L3MBTL4: variants seen among roughly 807,000 people sequenced by gnomAD.
L3MBTL4 encodes the protein lethal(3)malignant brain tumor-like protein 4.
L3MBTL4 carries 70 observed loss-of-function variants against 84.5 expected under a neutral mutation model. The observed-to-expected ratio is 0.83, with a 90% CI of 0.68 to 1.01. The LOEUF (loss-of-function observed/expected upper bound fraction) is 1.01. Ranked by LOEUF, L3MBTL4 falls within the 50% of genes least tolerant of loss-of-function variation. The pLI, the probability that L3MBTL4 is intolerant of heterozygous loss-of-function variation, is 0.00. For synonymous variants in L3MBTL4, 274 were observed against 259.8 expected, an observed-to-expected ratio of 1.05 and a Z score of -0.52; for missense variants, 715 against 754.8, an observed-to-expected ratio of 0.95 and a Z score of 0.62.
chr18:6,129,956 C>T (rs890098153), intron 14 of L3MBTL4, among the ~76,000 whole-genome samples: 1 of 152,174 alleles, frequency 6.6e-6, no homozygotes, highest in African/African-American at 2.4e-5. Flanking sequence ...TACTCCATCA[C>T]TCTCTGAAAT....
Position 6,414,509 on chromosome 18 carries a change from C to T in L3MBTL4, c.-91+292G>A, listed in dbSNP as rs2056110970. ...CCCCGACCCTGCCCTCGCGGCTGAC[C>T]GAGGCGCCGGGCTCTGCGGCGGCCG... On this transcript the variant is annotated intron_variant, in intron 1 of 18. Coordinates refer to ENST00000317931, the MANE Select transcript of L3MBTL4 (RefSeq NM_001330559.2). This position sits in a 1 kb window ranked among gnomAD's most constrained non-coding sequence, Gnocchi z 5.4. Among the ~76,000 whole-genome samples, 1 of 152,020 alleles carries T rather than the reference C, an allele frequency of 6.6e-6. No individual in the cohort carries two copies. Among genetic ancestry groups the T allele is most frequent in the Non-Finnish European group, 1.5e-5 (1 of 67,978 alleles).
At chr18:6,293,080 C>A (rs1429427892) in intron 4 of L3MBTL4, among the ~76,000 whole-genome samples, 1 of 152,188 alleles carries the variant, frequency 6.6e-6, no homozygotes, top group Non-Finnish European at 1.5e-5. Context: ...GTGTATACCC[C>A]AACTATAATT....
chr18:6,120,146 C>T (rs541176672), intron 14 of L3MBTL4, among the ~76,000 whole-genome samples: 1 of 152,178 alleles, frequency 6.6e-6, no homozygotes, highest in Non-Finnish European at 1.5e-5. Context: ...ACACTGAGGG[C>T]CTGAAACAGT....
At chr18:5,958,109 G>GAAGAAGAAGAAGAAA (rs2095241088) in intron 18 of L3MBTL4, among the ~76,000 whole-genome samples, 1 of 92,850 alleles carries the variant, frequency 1.1e-5, no homozygotes, top group Non-Finnish European at 2.0e-5. Flanking sequence ...AGAAGAAGAA[G>GAAGAAGAAGAAGAAA]AAGAAGAAGA....
intron 4 of L3MBTL4, among the ~76,000 whole-genome samples, chr18:6,278,738 C>T (rs1434733079): frequency 1.3e-5 from 2 of 152,078 alleles, no homozygotes; most frequent in African/African-American, 4.8e-5. Flanking sequence ...CTGGTCTATT[C>T]AAATGTTCAA....
In L3MBTL4 at chr18:6,139,998, G is replaced by A. The variant is rs544164097; in HGVS notation, c.1097-1702C>T. ...CCCCATGTGCTCACCCTGCCACTCT[G>A]CCACCCCAGCACGTCAGTCACTTCC... is the stretch of plus-strand genomic sequence containing the variant. On this transcript the variant is annotated intron_variant, in intron 13 of 18. Transcript: ENST00000317931. Among the ~76,000 whole-genome samples the A allele has an allele frequency of 2.8e-4, 42 of 152,210 alleles. No individual in the cohort carries two copies. In the South Asian group the frequency reaches 8.1e-3, roughly 29 times the overall value.
intron 16 of L3MBTL4, among the ~76,000 whole-genome samples, chr18:5,984,880 T>C (rs990953214): frequency 6.6e-6 from 1 of 152,122 alleles, no homozygotes; most frequent in African/African-American, 2.4e-5. Flanking sequence ...AGATTATTGG[T>C]CAAAATCATT....
chr18:5,958,633 G>C (rs1480104132), intron 18 of L3MBTL4, among the ~76,000 whole-genome samples: 3 of 152,140 alleles, frequency 2.0e-5, no homozygotes, highest in Admixed American at 6.5e-5. Flanking sequence ...GCTTCTAAGG[G>C]GCAAAGTTGG....
At position 5,956,131 on chromosome 18, in the gene L3MBTL4, A is replaced by T; in HGVS notation, c.*89T>A. On this transcript the variant is annotated 3_prime_UTR_variant, in exon 19 of 19. Coordinates refer to ENST00000317931, the MANE Select transcript of L3MBTL4 (RefSeq NM_001330559.2). ...GTCCAGATTCAGTGTGGATACGGCC[A>T]TGGGGACATTCACATCAAATTAATG... 1 of 1,084,292 alleles carries T rather than the reference A, an allele frequency of 9.2e-7. No homozygotes were observed. Among genetic ancestry groups the T allele is most frequent in the Non-Finnish European group, 1.4e-6 (1 of 729,582 alleles). 67.2% of individuals were successfully genotyped at this position (1,084,292 alleles called of 1,614,324 possible).
At chr18:6,022,341 C>T (rs2055310710) in intron 16 of L3MBTL4, among the ~76,000 whole-genome samples, 1 of 152,176 alleles carries the variant, frequency 6.6e-6, no homozygotes, top group Non-Finnish European at 1.5e-5. Context: ...AAACCTTCAC[C>T]TCCTTTTGCC....
chr18:5,962,305 C>T (rs899926035), intron 17 of L3MBTL4, among the ~76,000 whole-genome samples: 17 of 152,244 alleles, frequency 1.1e-4, no homozygotes, highest in Admixed American at 5.9e-4. Context: ...ATTTCCACCA[C>T]GGCGATTTGG....
chr18:6,010,059 C>T (rs2036773872), intron 16 of L3MBTL4, among the ~76,000 whole-genome samples: 1 of 152,034 alleles, frequency 6.6e-6, no homozygotes, highest in African/African-American at 2.4e-5. Context: ...TGTTTCCCTT[C>T]TGTATCCTTG....
chr18:5,994,626 C>T (rs545685530), intron 16 of L3MBTL4, among the ~76,000 whole-genome samples: 85 of 152,288 alleles, frequency 5.6e-4, no homozygotes, highest in Non-Finnish European at 1.1e-3. Context: ...CTAACGCTGG[C>T]TCCCATGCCA....
intron 1 of L3MBTL4, among the ~76,000 whole-genome samples, chr18:6,410,156 T>C (rs1451471896): frequency 6.6e-6 from 1 of 152,244 alleles, no homozygotes; most frequent in Non-Finnish European, 1.5e-5. Context: ...CCTGCCCTCC[T>C]GTCTCAGGGC....
chr18:6,250,750 T>C (rs2047888876), intron 5 of L3MBTL4, among the ~76,000 whole-genome samples: 1 of 152,166 alleles, frequency 6.6e-6, no homozygotes, highest in Admixed American at 6.5e-5. Flanking sequence ...CTTCACACGA[T>C]AGCTCTCAAA....
chr18:6,201,024 A>C (rs1340311286), intron 12 of L3MBTL4, among the ~76,000 whole-genome samples: 2 of 152,226 alleles, frequency 1.3e-5, no homozygotes, highest in Non-Finnish European at 2.9e-5. Context: ...TTTATTGAGT[A>C]CCCATGAAAT....
chr18:6,083,504 T>A (rs914773285), intron 15 of L3MBTL4, among the ~76,000 whole-genome samples: 2 of 152,196 alleles, frequency 1.3e-5, no homozygotes, highest in African/African-American at 4.8e-5. Flanking sequence ...GGAATTTGTA[T>A]TTCAAAAGAA....
chr18:6,097,888 A>G (rs965462698), intron 14 of L3MBTL4, among the ~76,000 whole-genome samples: 2 of 152,036 alleles, frequency 1.3e-5, no homozygotes, highest in Admixed American at 6.6e-5. Flanking sequence ...TCTTAAACCT[A>G]GGATGTGAGG....
intron 16 of L3MBTL4, among the ~76,000 whole-genome samples, chr18:6,027,500 T>C (rs147075586): frequency 0.015 from 2,317 of 152,334 alleles, 58 homozygotes; most frequent in African/African-American, 0.054. Context: ...TAAACATATG[T>C]GTGCATGTGT....
Sources: gnomAD v4.1 joint callset for allele counts (sites outside exome capture counted in the v4.1 genomes callset) on GRCh38, gnomAD v4.1.1 for gene constraint, Gnocchi (gnomAD v3.1) non-coding constraint, MANE v1.5 for transcripts, NCBI Gene and HGNC (gene_info 2026-07-23, HGNC 2026-07-21) for gene names.